The following CHD4 variants were observed in gnomAD, a reference collection of about 807,000 sequenced individuals.
CHD4 encodes ATP-dependent chromatin remodeler CHD4.
CHD4 carries 35 observed loss-of-function variants against 235.5 expected under a neutral mutation model. That is an observed-to-expected ratio of 0.15 (90% CI 0.11 to 0.20). CHD4 has a LOEUF of 0.20. Ranked by LOEUF, CHD4 falls within the 10% of genes least tolerant of loss-of-function variation. The pLI, the probability that CHD4 is intolerant of heterozygous loss-of-function variation, is 1.00. For synonymous variants in CHD4, 900 were observed against 850.2 expected (o/e 1.06, Z -1.02); for missense variants, 1,329 against 2,432.3 (o/e 0.55, Z 9.54).
intron 37 of CHD4, among the ~76,000 whole-genome samples, chr12:6,577,040 G>T (rs756450902): frequency 2.0e-5 from 3 of 151,914 alleles, no homozygotes; most frequent in Non-Finnish European, 2.9e-5. Context: ...GACTTCAAGC[G>T]ATTCTCCTGC....
At chr12:6,599,695 C>A (rs996522546) in intron 10 of CHD4, 78 bp downstream of exon 10, 1 of 1,569,802 alleles carries the variant, frequency 6.4e-7, no homozygotes, top group Middle Eastern at 1.7e-4. Flanking sequence ...TCCTCTCCTG[C>A]ACCCCAGCCT....
chr12:6,598,507 G>A, intron 10 of CHD4, 82 bp from the exon 11 acceptor site: 2 of 1,181,870 alleles, frequency 1.7e-6, no homozygotes, highest in Admixed American at 2.2e-5. Context: ...CTTCATCAAA[G>A]GACGATTCAG....
chr12:6,599,986 A>G lies in CHD4; in HGVS notation c.1269T>C (p.Ala423=). The change falls in exon 10 of 40, where the codon GCT becomes GCC. Residue 423 remains alanine (A), a synonymous_variant. Transcript: ENST00000544040. ...CCTCACCCTCCGAATTGTCCTCTTT[A>G]GCTTCCCACTGGATGCCTTCCTTCT... ...HCEKEGIQWE[A]KEDNSEGEEI... The G allele has an allele frequency of 6.2e-7, 1 of 1,614,108 alleles. No individual in the cohort carries two copies. Among genetic ancestry groups the G allele is most frequent in the East Asian group, 2.2e-5 (1 of 44,884 alleles).
intron 37 of CHD4, among the ~76,000 whole-genome samples, chr12:6,573,849 C>A (rs557154424): frequency 1.3e-3 from 194 of 152,084 alleles, no homozygotes; most frequent in Non-Finnish European, 2.0e-3. Context: ...CATGACAAAA[C>A]CCCGTCTCTA....
At chr12:6,582,522 C>T (rs1402746259) in intron 29 of CHD4, 93 bp downstream of exon 29, 4 of 1,505,598 alleles carry the variant, frequency 2.7e-6, no homozygotes, top group African/African-American at 2.8e-5. Flanking sequence ...AAATAGCCCA[C>T]TTCCCTGCAC....
chr12:6,602,175 G>A lies in CHD4; in HGVS notation c.223C>T (p.Arg75Cys), dbSNP rs749142192. 3.1e-6 allele frequency: 5 copies of A among 1,613,778 alleles called. No homozygotes were observed. The highest frequency in any genetic ancestry group is 2.2e-5 in the East Asian group (1 of 44,862). Reference sequence around the variant, plus strand: ...CCCAGCTGCCGGCATAAGAGCATACGCTGGAGCAGGGCAAGGGGGGAAGAG... The same window carrying A: ...CCCAGCTGCCGGCATAAGAGCATACACTGGAGCAGGGCAAGGGGGGAAGAG... ...IPKSKRQKKE[R>C]MLLCRQLGDS... Residue 75 changes from arginine to cysteine, a missense_variant and splice_region_variant, in exon 4 of 40, where the codon CGT (arginine) becomes TGT (cysteine). Physicochemically the swap from Arg to Cys is radical, Grantham distance 180. Coordinates refer to ENST00000544040, the MANE Select transcript of CHD4 (RefSeq NM_001273.5).
intron 38 of CHD4, 127 bp downstream of exon 38, chr12:6,572,947 G>T: frequency 1.1e-6 from 1 of 878,644 alleles, no homozygotes. Context: ...GGATGGCAAA[G>T]ATCCCTAGCA....
chr12:6,598,377 C>T lies in CHD4; in HGVS notation c.1531G>A (p.Gly511Ser), dbSNP rs750321093. 13 of 1,613,512 alleles carry T rather than the reference C, an allele frequency of 8.1e-6. No homozygotes were observed. The highest frequency in any genetic ancestry group is 6.7e-5 in the African/African-American group (5 of 74,896). ...KVQKILIWKW[G>S]QPPSPTPVPR... Reference sequence around the variant, plus strand: ...ACTGGTGTGGGAGATGGTGGCTGACCCCACTTCCAGATTAGGATCTTCTGC... The same window carrying T: ...ACTGGTGTGGGAGATGGTGGCTGACTCCACTTCCAGATTAGGATCTTCTGC... Residue 511 changes from glycine (G) to serine (S), a missense_variant, in exon 11 of 40, where the codon GGT becomes AGT. By Grantham distance (56) the Gly-to-Ser change is moderately conservative (BLOSUM62 0). Around this residue, in one of 26 missense-constraint regions of CHD4, gnomAD observed 45 missense variants for 47.5 expected, o/e 0.95. Coordinates refer to ENST00000544040, the MANE Select transcript of CHD4 (RefSeq NM_001273.5).
intron 37 of CHD4, among the ~76,000 whole-genome samples, chr12:6,574,605 T>C (rs564027550): frequency 4.7e-4 from 71 of 152,358 alleles, no homozygotes; most frequent in Non-Finnish European, 9.4e-4. Flanking sequence ...TGCAGATGAT[T>C]TGATGCTTCT....
At chr12:6,591,614 G>C in intron 21 of CHD4, 31 bp from the exon 22 acceptor site, 12 of 1,613,612 alleles carry the variant, frequency 7.4e-6, no homozygotes, top group Non-Finnish European at 9.3e-6. Flanking sequence ...AATTATGGAA[G>C]AGTCAGATGG....
intron 7 of CHD4, 127 bp from the exon 8 acceptor site, chr12:6,600,796 G>T: frequency 6.6e-7 from 1 of 1,506,110 alleles, no homozygotes; most frequent in Non-Finnish European, 8.9e-7. Context: ...AGGGAGCCTA[G>T]TCTCATCTTG....
intron 17 of CHD4, 97 bp downstream of exon 17, chr12:6,592,994 C>T (rs1036582086): frequency 6.5e-7 from 1 of 1,544,944 alleles, no homozygotes; most frequent in African/African-American, 1.4e-5. Flanking sequence ...GACAATTTTC[C>T]CCTCTCCTCT....
chr12:6,582,821 C>T (rs1272182936), intron 28 of CHD4, 27 bp downstream of exon 28: 3 of 1,613,802 alleles, frequency 1.9e-6, no homozygotes, highest in Admixed American at 1.7e-5. Context: ...TGACACTCAC[C>T]CCTCCTTAGA....
intron 12 of CHD4, 22 bp downstream of exon 12, chr12:6,597,872 C>T (rs1387665062): frequency 1.9e-6 from 3 of 1,610,878 alleles, no homozygotes; most frequent in Non-Finnish European, 2.5e-6. Context: ...GACTGCCCGT[C>T]TCCCGTGTGC....
chr12:6,582,905 C>G lies in CHD4; in HGVS notation c.4179G>C (p.Arg1393=), dbSNP rs968909917. 4.3e-6 allele frequency: 7 copies of G among 1,613,896 alleles called. No individual in the cohort carries two copies. Among genetic ancestry groups the G allele is most frequent in the East Asian group, 2.2e-5 (1 of 44,900 alleles). ...APRRPSRKGL[R]NDKDKPLPPL... The stretch of plus-strand genomic sequence containing the variant: ...GAGGCAATGGCTTATCTTTATCATT[C>G]CGCAGGCCCTTACGACTGGGCCTAC... The change falls in exon 28 of 40, where the codon CGG becomes CGC. Residue 1393 remains arginine, a synonymous_variant. Coordinates refer to ENST00000544040, the MANE Select transcript of CHD4 (RefSeq NM_001273.5).
rs1947945999 is a variant in CHD4 at position 6,570,549 on chromosome 12, T to C, written c.*127A>G. 1 of 1,199,616 alleles carries C rather than the reference T, an allele frequency of 8.3e-7. No individual in the cohort carries two copies. The highest frequency in any genetic ancestry group is 1.5e-5 in the African/African-American group (1 of 66,856). 74.3% of individuals were successfully genotyped at this position (1,199,616 alleles called of 1,614,324 possible). On this transcript the variant is annotated 3_prime_UTR_variant, in exon 40 of 40. Transcript: ENST00000544040. ...CCCTCCCCCAGTGCACTGGGGCTGT[T>C]CCTTTACAACATGGAAGATGGGCAG...
rs954698867 is a variant in CHD4, at chr12:6,593,628, A to G, written c.2314-12T>C. ...CCTTTGGAATGACCCTTTGAGAAAA[A>G]AGAGGAGAGTCAGGACTGAGGGCCC... On this transcript the variant is annotated splice_polypyrimidine_tract_variant and intron_variant, in intron 15 of 39. Transcript: ENST00000544040. The surrounding 1 kb of genome is among the most constrained non-coding windows in gnomAD (Gnocchi z 4.9). The G allele has an allele frequency of 1.2e-6, 2 of 1,613,516 alleles. No homozygotes were observed. Among genetic ancestry groups the G allele is most frequent in the African/African-American group, 2.7e-5 (2 of 74,810 alleles).
chr12:6,590,468 G>C (rs965855846), intron 22 of CHD4, among the ~76,000 whole-genome samples: 1 of 151,834 alleles, frequency 6.6e-6, no homozygotes, highest in Non-Finnish European at 1.5e-5. Flanking sequence ...TCTCTCTGCT[G>C]TTTTGCAACT....
chr12:6,570,834 A>AG, intron 39 of CHD4, 35 bp downstream of exon 39: 5 of 1,613,520 alleles, frequency 3.1e-6, no homozygotes, highest in Non-Finnish European at 4.2e-6. Context: ...ATGGTTCTGC[A>AG]GGAAGAGGTG....
Sources: allele counts gnomAD v4.1 joint callset (sites outside exome capture counted in the v4.1 genomes callset), GRCh38; gene constraint gnomAD v4.1.1; regional missense constraint gnomAD v4.1.1; non-coding constraint Gnocchi (gnomAD v3.1); transcripts MANE v1.5; gene names NCBI Gene and HGNC (gene_info 2026-07-23, HGNC 2026-07-21).